The following RELCH variants were observed in gnomAD, a reference collection of about 807,000 sequenced individuals.
RELCH encodes RAB11 binding and LisH domain, coiled-coil and HEAT repeat containing.
Under a neutral mutation model 150.3 loss-of-function variants are expected in RELCH, and 41 were observed. The observed-to-expected ratio is 0.27, with a 90% CI of 0.21 to 0.35. The LOEUF is 0.35. RELCH is among the 10% of genes least tolerant of loss of function. The pLI, the probability that RELCH is intolerant of heterozygous loss-of-function variation, is 1.00. For missense variants in RELCH, 1,092 were observed against 1,467.8 expected (o/e 0.74, Z 4.18); for synonymous variants, 478 against 531.8 (o/e 0.90, Z 1.39).
At chr18:62,291,926 CCAT>C (rs974431365) in intron 27 of RELCH, among the ~76,000 whole-genome samples, 58 of 152,116 alleles carry the variant, frequency 3.8e-4, no homozygotes, top group African/African-American at 1.3e-3. Flanking sequence ...TTCTCTCTGA[CCAT>C]CAACTTTCTT....
At chr18:62,252,308 A>G (rs748321409) in intron 11 of RELCH, among the ~76,000 whole-genome samples, 1 of 151,854 alleles carries the variant, frequency 6.6e-6, no homozygotes. Context: ...CAAAAGGTCT[A>G]ATTTTTCAAA....
At chr18:62,268,809 A>T in intron 19 of RELCH, 60 bp from the exon 20 acceptor site, 2 of 862,228 alleles carry the variant, frequency 2.3e-6, no homozygotes, top group Non-Finnish European at 3.5e-6. Flanking sequence ...TCGCATTATG[A>T]TTTTTTTCTT....
intron 2 of RELCH, among the ~76,000 whole-genome samples, chr18:62,216,912 G>T (rs979814079): frequency 3.9e-5 from 6 of 151,920 alleles, no homozygotes; most frequent in Middle Eastern, 3.4e-3. Context: ...AGTACATTTT[G>T]ATTTTCTTGA....
At chr18:62,258,338 C>T (rs931845187) in intron 14 of RELCH, among the ~76,000 whole-genome samples, 174 bp from the exon 15 acceptor site, 4 of 151,964 alleles carry the variant, frequency 2.6e-5, no homozygotes, top group Non-Finnish European at 5.9e-5. Context: ...TTACCACTCC[C>T]TCTCTTTGGT....
rs868272421 is a variant in RELCH, at chr18:62,210,588, G to A, written c.527-565G>A. On this transcript the variant is annotated intron_variant, in intron 1 of 28. Coordinates refer to ENST00000644646, the MANE Select transcript of RELCH (RefSeq NM_001346231.2). The stretch of plus-strand genomic sequence containing the variant: ...TTTTGCTAAGATATTAACTCCTTTC[G>A]TTTATTGTATACATATATTCCTTTA... Among the ~76,000 whole-genome samples, 7 of 151,920 alleles carry A rather than the reference G, an allele frequency of 4.6e-5. No individual in the cohort carries two copies. The South Asian group carries it at 8.3e-4, about 18-fold the overall frequency.
At chr18:62,237,561 G>T (rs971572465) in intron 10 of RELCH, among the ~76,000 whole-genome samples, 1 of 151,602 alleles carries the variant, frequency 6.6e-6, no homozygotes, top group African/African-American at 2.4e-5. Flanking sequence ...TTTATATCAT[G>T]ATATAAAGAA....
chr18:62,201,868 G>C (rs1180651643), intron 1 of RELCH, among the ~76,000 whole-genome samples: 1 of 152,034 alleles, frequency 6.6e-6, no homozygotes, highest in African/African-American at 2.4e-5. Context: ...GATGCATTTG[G>C]TTCTTAAAGT....
rs1301166378 is a variant in RELCH, at chr18:62,268,953, G to C, written c.2760+5G>C. 3 of 1,482,744 alleles carry C rather than the reference G, an allele frequency of 2.0e-6. No individual in the cohort carries two copies. The Admixed American group carries it at 6.1e-5, about 30-fold the overall frequency. 91.8% of individuals were successfully genotyped at this position (1,482,744 alleles called of 1,614,324 possible). ...GTCCTTACGTGTTATATTCAGGTAA[G>C]GGAAAAATTCTTACTCTCTAGTAAA... On this transcript the variant is annotated splice_donor_5th_base_variant and intron_variant, in intron 20 of 28. Coordinates refer to ENST00000644646, the MANE Select transcript of RELCH (RefSeq NM_001346231.2).
intron 1 of RELCH, among the ~76,000 whole-genome samples, chr18:62,206,814 GC>G (rs1017985437): frequency 7.5e-5 from 2 of 26,790 alleles, no homozygotes; most frequent in African/African-American, 2.8e-4. Flanking sequence ...CCCTCTCCCC[GC>G]CCCGCAGCTT....
In RELCH at chr18:62,244,751, C is replaced by T. The variant is rs188667348; in HGVS notation, c.1621-13C>T. The T allele has an allele frequency of 5.0e-5, 77 of 1,543,088 alleles. No individual in the cohort carries two copies. The highest frequency in any genetic ancestry group is 2.4e-4 in the African/African-American group (18 of 73,698). On this transcript the variant is annotated splice_polypyrimidine_tract_variant and intron_variant, in intron 10 of 28. Transcript: ENST00000644646. The stretch of plus-strand genomic sequence containing the variant: ...GTTTTTATTTGAATTTTTCCACCCT[C>T]GTATTTCTTTAGGAGTTGATCCCCC...
In RELCH at chr18:62,303,505, C is replaced by A. The variant is rs144118322; in HGVS notation, c.3531-1909C>A. ...TTAGAATATCATTAAAACTTGGTAT[C>A]TCAACTATGGTCTGACCCATACATC... On this transcript the variant is annotated intron_variant, in intron 28 of 28. Transcript: ENST00000644646. Among the ~76,000 whole-genome samples, 27 of 152,300 alleles carry A rather than the reference C, an allele frequency of 1.8e-4. 1 individual carries two copies. Among genetic ancestry groups the A allele is most frequent in the African/African-American group, 5.8e-4 (24 of 41,562 alleles).
chr18:62,279,921 C>T (rs2144928564), intron 23 of RELCH, 65 bp downstream of exon 23: 1 of 967,564 alleles, frequency 1.0e-6, no homozygotes, highest in Non-Finnish European at 1.6e-6. Context: ...AAGAAATAAC[C>T]ATCAGCTCTT....
intron 1 of RELCH, among the ~76,000 whole-genome samples, chr18:62,208,779 G>C (rs1282090368): frequency 6.6e-6 from 1 of 152,114 alleles, no homozygotes; most frequent in Non-Finnish European, 1.5e-5. Context: ...CTGTTCCTAC[G>C]TTAGTTTGGT....
intron 28 of RELCH, among the ~76,000 whole-genome samples, chr18:62,303,428 AT>A (rs1375030288): frequency 6.6e-6 from 1 of 152,012 alleles, no homozygotes; most frequent in Non-Finnish European, 1.5e-5. Context: ...CATTCCTTTC[AT>A]TTTTACCTCT....
At position 62,211,155 on chromosome 18, in the gene RELCH, C is replaced by T. The variant is rs779804829; in HGVS notation, c.529C>T (p.Arg177Ter). The change falls in exon 2 of 29, where the codon CGA becomes TGA. Residue 177 changes from arginine to a stop codon, truncating the protein, a stop_gained and splice_region_variant. Transcript: ENST00000644646. LOFTEE classifies it high-confidence loss of function. ...STASGGGQLN[R>*]AGSISTLDSL... ...TTTTATATTTCTCTTTATTATAGAT[C>T]GAGCTGGGAGCATTAGTACCCTTGA... 2 of 1,556,410 alleles carry T rather than the reference C, an allele frequency of 1.3e-6. No individual in the cohort carries two copies. Among genetic ancestry groups the T allele is most frequent in the Non-Finnish European group, 8.8e-7 (1 of 1,134,694 alleles).
chr18:62,271,944 T>C (rs2043926330), intron 20 of RELCH, among the ~76,000 whole-genome samples: 1 of 152,218 alleles, frequency 6.6e-6, no homozygotes, highest in Non-Finnish European at 1.5e-5. Context: ...CCCATTGGTC[T>C]ATATATCTGT....
At chr18:62,236,452 G>C (rs2041885471) in intron 10 of RELCH, among the ~76,000 whole-genome samples, 2 of 151,728 alleles carry the variant, frequency 1.3e-5, no homozygotes, top group Non-Finnish European at 3.0e-5. Flanking sequence ...TATTGGTTTT[G>C]GTATTGGGCT....
At position 62,252,759 on chromosome 18, in the gene RELCH, A is replaced by G. The variant is rs1409109057; in HGVS notation, c.1824+5A>G. 1.9e-6 allele frequency: 3 copies of G among 1,607,520 alleles called. No individual in the cohort carries two copies. The highest frequency in any genetic ancestry group is 2.6e-6 in the Non-Finnish European group (3 of 1,174,224). ...TTACCACAGTGTTGGGAACAGGTAA[A>G]TAACTGTATTGAGTTTTCACCTAGC... On this transcript the variant is annotated splice_donor_5th_base_variant and intron_variant, in intron 12 of 28. Transcript: ENST00000644646.
At chr18:62,270,210 A>G (rs914248154) in intron 20 of RELCH, among the ~76,000 whole-genome samples, 2 of 152,218 alleles carry the variant, frequency 1.3e-5, no homozygotes, top group African/African-American at 4.8e-5. Flanking sequence ...ATGAAAAGGC[A>G]GAATCTGCTA....
Sources: allele counts gnomAD v4.1 joint callset (sites outside exome capture counted in the v4.1 genomes callset), GRCh38; gene constraint gnomAD v4.1.1; transcripts MANE v1.5; gene names NCBI Gene and HGNC (gene_info 2026-07-23, HGNC 2026-07-21).